NMNAT3: variants seen among roughly 807,000 people sequenced by gnomAD.
The protein encoded by NMNAT3 is nicotinamide/nicotinic acid mononucleotide adenylyltransferase 3.
Under a neutral mutation model 24.8 loss-of-function variants are expected in NMNAT3, and 21 were observed. That is an observed-to-expected ratio of 0.85 (90% CI 0.60 to 1.22). The LOEUF (loss-of-function observed/expected upper bound fraction) is 1.22. Among genes scored for constraint, NMNAT3 ranks in the 50% most tolerant of loss-of-function variants. NMNAT3 has a pLI of 0.00. For missense variants in NMNAT3, 387 were observed against 436.6 expected, an observed-to-expected ratio of 0.89 and a Z score of 1.01; for synonymous variants, 136 against 155.2, an observed-to-expected ratio of 0.88 and a Z score of 0.92.
chr3:139,670,256 C>T (rs372415499), intron 1 of NMNAT3, among the ~76,000 whole-genome samples: 6 of 152,156 alleles, frequency 3.9e-5, no homozygotes, highest in African/African-American at 9.7e-5. Context: ...CAGGCCTCAT[C>T]GTCTTAGAGC....
chr3:139,576,223 A>C (rs1939290048), intron 5 of NMNAT3: 6 of 985,118 alleles, frequency 6.1e-6, no homozygotes, highest in African/African-American at 1.7e-5. Flanking sequence ...TACAATTATA[A>C]CTGGATTTTC....
chr3:139,574,585 C>T (rs1939004900), intron 5 of NMNAT3, among the ~76,000 whole-genome samples: 1 of 152,152 alleles, frequency 6.6e-6, no homozygotes. Flanking sequence ...CTGTATTATG[C>T]ATTTACTAGA....
intron 1 of NMNAT3, among the ~76,000 whole-genome samples, chr3:139,675,135 T>TACACACATACACACACAC (rs1553766852): frequency 1.3e-5 from 2 of 148,228 alleles, no homozygotes; most frequent in Non-Finnish European, 3.0e-5. Flanking sequence ...CTTTTAAACA[T>TACACACATACACACACAC]ACACACACAC....
intron 3 of NMNAT3, among the ~76,000 whole-genome samples, chr3:139,606,915 C>T (rs2054972397): frequency 6.6e-6 from 1 of 152,072 alleles, no homozygotes; most frequent in Admixed American, 6.6e-5. Flanking sequence ...GGCTTTTTTA[C>T]ATTCTCCCAT....
chr3:139,618,939 C>A (rs1275953742), intron 3 of NMNAT3, among the ~76,000 whole-genome samples: 1 of 152,164 alleles, frequency 6.6e-6, no homozygotes, highest in Non-Finnish European at 1.5e-5. Context: ...CCCATCTTGT[C>A]AGCCTTATGT....
intron 1 of NMNAT3, among the ~76,000 whole-genome samples, chr3:139,655,634 A>C (rs2057214039): frequency 6.6e-6 from 1 of 152,116 alleles, no homozygotes; most frequent in Non-Finnish European, 1.5e-5. Flanking sequence ...GATGAAGAAG[A>C]AGCATTTCTA....
At chr3:139,666,530 T>C (rs537022247) in intron 1 of NMNAT3, among the ~76,000 whole-genome samples, 24 of 152,238 alleles carry the variant, frequency 1.6e-4, no homozygotes, top group Non-Finnish European at 1.5e-4. Flanking sequence ...GCTACATGCA[T>C]ACAATGTGTA....
At chr3:139,596,468 T>C (rs1287273596) in intron 3 of NMNAT3, among the ~76,000 whole-genome samples, 1 of 152,220 alleles carries the variant, frequency 6.6e-6, no homozygotes, top group African/African-American at 2.4e-5. Context: ...TTGTTTTCTT[T>C]TACTAAATAA....
intron 3 of NMNAT3, among the ~76,000 whole-genome samples, chr3:139,591,693 C>A (rs1054682733): frequency 1.3e-5 from 2 of 152,224 alleles, no homozygotes; most frequent in African/African-American, 4.8e-5. Flanking sequence ...TGGGAGGCAC[C>A]CCCCAGCAGG....
chr3:139,650,336 A>G (rs2057014659), intron 1 of NMNAT3, among the ~76,000 whole-genome samples: 1 of 152,344 alleles, frequency 6.6e-6, no homozygotes, highest in Admixed American at 6.5e-5. Context: ...CTGTTACAAA[A>G]ATACATAGAT....
In NMNAT3 at chr3:139,647,416, TC is replaced by T. The variant is rs572408827; in HGVS notation, c.-140-9355del. Among the ~76,000 whole-genome samples, 41 of 152,320 alleles carry T rather than the reference TC, an allele frequency of 2.7e-4. 1 individual carries two copies. The South Asian group carries it at 7.5e-3, about 28-fold the overall frequency. On this transcript the variant is annotated intron_variant, in intron 1 of 6. Coordinates refer to ENST00000643695, the MANE Select transcript of NMNAT3 (RefSeq NM_001320510.2). ...ATATATTGGAAAGGAGGTCAACAACTCCATCAAACTAGGTTGAATAATGTCC... is the reference window on the plus strand; with the variant it reads ...ATATATTGGAAAGGAGGTCAACAACTCATCAAACTAGGTTGAATAATGTCC...
chr3:139,652,116 AC>A (rs2108391645), intron 1 of NMNAT3, among the ~76,000 whole-genome samples: 1 of 152,266 alleles, frequency 6.6e-6, no homozygotes, highest in Admixed American at 6.5e-5. Context: ...CCTGGGGAAG[AC>A]CATCGTGCCC....
At chr3:139,624,834 G>T (rs2055980487) in intron 3 of NMNAT3, among the ~76,000 whole-genome samples, 1 of 152,148 alleles carries the variant, frequency 6.6e-6, no homozygotes, top group Non-Finnish European at 1.5e-5. Context: ...TGTGATGTAG[G>T]ATGCAGTGGT....
At chr3:139,673,651 A>G (rs188790443) in intron 1 of NMNAT3, among the ~76,000 whole-genome samples, 2 of 152,120 alleles carry the variant, frequency 1.3e-5, no homozygotes, top group Non-Finnish European at 1.5e-5. Context: ...CTATGTGTGT[A>G]TGTGCTTAAT....
At chr3:139,668,513 T>C (rs1461044478) in intron 1 of NMNAT3, among the ~76,000 whole-genome samples, 6 of 152,224 alleles carry the variant, frequency 3.9e-5, no homozygotes, top group East Asian at 1.9e-4. Flanking sequence ...CAGTCAGTCA[T>C]TGACAAATAG....
intron 6 of NMNAT3, chr3:139,569,381 C>A (rs1362510612): frequency 3.3e-5 from 5 of 152,300 alleles, no homozygotes; most frequent in Middle Eastern, 6.8e-3. Context: ...TTGATCCTGT[C>A]ATTATGATGT....
At chr3:139,590,796 T>C (rs539414586) in intron 3 of NMNAT3, among the ~76,000 whole-genome samples, 1 of 152,336 alleles carries the variant, frequency 6.6e-6, no homozygotes, top group East Asian at 1.9e-4. Flanking sequence ...ATTTTGTATT[T>C]TTTTATACTT....
chr3:139,652,245 C>G (rs893928525), intron 1 of NMNAT3, among the ~76,000 whole-genome samples: 2 of 152,112 alleles, frequency 1.3e-5, no homozygotes, highest in Non-Finnish European at 1.5e-5. Flanking sequence ...TTGTGGGTAC[C>G]CAGATGATCA....
chr3:139,656,783 C>A (rs115687084), intron 1 of NMNAT3, among the ~76,000 whole-genome samples: 7,920 of 152,126 alleles, frequency 0.052, 247 homozygotes, highest in Admixed American at 0.098. Flanking sequence ...CAGAGTGAGA[C>A]CCTGTCTCTA....
Sources: allele counts gnomAD v4.1 joint callset (sites outside exome capture counted in the v4.1 genomes callset), GRCh38; gene constraint gnomAD v4.1.1; transcripts MANE v1.5; gene names NCBI Gene and HGNC (gene_info 2026-07-23, HGNC 2026-07-21).